POU6F2: variants seen among roughly 807,000 people sequenced by gnomAD.
POU6F2 encodes the protein POU class 6 homeobox 2.
A neutral mutation model predicts 71.3 loss-of-function variants in POU6F2; 31 were observed. The observed-to-expected ratio is 0.43, with a 90% CI of 0.33 to 0.59. The LOEUF is 0.59. Ranked by LOEUF, POU6F2 falls within the 20% of genes least tolerant of loss-of-function variation. POU6F2 has a pLI of 0.04. For synonymous variants in POU6F2, 347 were observed against 355.7 expected (o/e 0.98, Z 0.27); for missense variants, 783 against 856.8 (o/e 0.91, Z 1.07).
chr7:39,270,945 T>G (rs1784329630), intron 4 of POU6F2, among the ~76,000 whole-genome samples: 1 of 152,154 alleles, frequency 6.6e-6, no homozygotes, highest in South Asian at 2.1e-4. Context: ...GCCTTGAGGA[T>G]TCTAGGATTC....
intron 1 of POU6F2, chr7:39,013,202 C>G (rs544199902): frequency 6.5e-6 from 1 of 154,734 alleles, no homozygotes; most frequent in African/African-American, 2.4e-5. Context: ...TAGGACCCTC[C>G]GAGCCAGGTG....
chr7:39,459,991 C>T (rs1225077429), intron 8 of POU6F2, among the ~76,000 whole-genome samples: 1 of 152,108 alleles, frequency 6.6e-6, no homozygotes, highest in African/African-American at 2.4e-5. Flanking sequence ...CATAAGCATG[C>T]TCTTCTGAGG....
At chr7:39,234,757 T>C (rs1258855935) in intron 4 of POU6F2, among the ~76,000 whole-genome samples, 2 of 152,210 alleles carry the variant, frequency 1.3e-5, no homozygotes, top group Non-Finnish European at 2.9e-5. Context: ...TCTACTAATG[T>C]CAATTTTCTT....
intron 4 of POU6F2, among the ~76,000 whole-genome samples, chr7:39,263,656 T>C (rs761075388): frequency 8.2e-6 from 1 of 122,074 alleles, no homozygotes; most frequent in African/African-American, 2.9e-5. Context: ...TGTGCATGCG[T>C]GTTCACGCAC....
At chr7:39,308,253 C>T (rs1331661198) in intron 4 of POU6F2, among the ~76,000 whole-genome samples, 1 of 152,206 alleles carries the variant, frequency 6.6e-6, no homozygotes, top group African/African-American at 2.4e-5. Context: ...ATGCCCACAA[C>T]CATTCCAAGT....
intron 1 of POU6F2, among the ~76,000 whole-genome samples, chr7:38,999,812 C>T (rs1165340651): frequency 2.0e-5 from 3 of 151,980 alleles, no homozygotes; most frequent in African/African-American, 4.8e-5. Context: ...TTTGTTGGGG[C>T]GTACCATTTA....
chr7:38,985,499 G>A (rs1281714426), intron 1 of POU6F2, among the ~76,000 whole-genome samples: 3 of 152,030 alleles, frequency 2.0e-5, no homozygotes, highest in South Asian at 2.1e-4. Context: ...ATTCCGAATC[G>A]GGAAACTTAA....
At chr7:39,178,078 C>G (rs773761698) in intron 2 of POU6F2, among the ~76,000 whole-genome samples, 1 of 151,922 alleles carries the variant, frequency 6.6e-6, no homozygotes, top group East Asian at 1.9e-4. Flanking sequence ...AGACGGTGAA[C>G]CACCGTCTCT....
At chr7:39,457,727 T>A (rs1270803180) in intron 8 of POU6F2, among the ~76,000 whole-genome samples, 1 of 152,198 alleles carries the variant, frequency 6.6e-6, no homozygotes, top group African/African-American at 2.4e-5. Context: ...GTGACTCTTA[T>A]ACCTGCCAAA....
chr7:39,214,463 G>T (rs1794201870), intron 4 of POU6F2, among the ~76,000 whole-genome samples: 2 of 152,164 alleles, frequency 1.3e-5, no homozygotes, highest in African/African-American at 4.8e-5. Context: ...TGAGCATTTT[G>T]GGTGATGCCT....
chr7:39,353,684 T>G (rs1786191777), intron 5 of POU6F2, among the ~76,000 whole-genome samples: 1 of 152,170 alleles, frequency 6.6e-6, no homozygotes, highest in Non-Finnish European at 1.5e-5. Flanking sequence ...TGCTGGAGAT[T>G]ATGAATTTGC....
intron 2 of POU6F2, among the ~76,000 whole-genome samples, chr7:39,171,775 A>G (rs1213960563): frequency 1.3e-5 from 2 of 152,098 alleles, no homozygotes. Context: ...AGCACCATCC[A>G]CTCAATCTGC....
At chr7:39,003,055 T>A (rs982502221) in intron 1 of POU6F2, among the ~76,000 whole-genome samples, 5 of 152,176 alleles carry the variant, frequency 3.3e-5, no homozygotes, top group Non-Finnish European at 5.9e-5. Flanking sequence ...TTTAATGACA[T>A]GGAAAGAATC....
intron 1 of POU6F2, among the ~76,000 whole-genome samples, chr7:39,047,550 A>C (rs1306789687): frequency 2.0e-5 from 3 of 151,852 alleles, no homozygotes. Flanking sequence ...TTTTTTGTAT[A>C]TTGATCTTCT....
At chr7:39,338,059 A>G (rs1040801904) in intron 4 of POU6F2, among the ~76,000 whole-genome samples, 4 of 152,226 alleles carry the variant, frequency 2.6e-5, no homozygotes, top group Admixed American at 2.6e-4. Flanking sequence ...ATTTAAGTCA[A>G]CCATGGAAAT....
At position 39,305,920 on chromosome 7, in the gene POU6F2, A is replaced by G. The variant is rs944597226; in HGVS notation, c.599-33722A>G. On this transcript the variant is annotated intron_variant, in intron 4 of 9. Coordinates refer to ENST00000518318, the MANE Select transcript of POU6F2 (RefSeq NM_001370959.1). Reference sequence around the variant, plus strand: ...GAAAACTTCTAAGTTGGAGTAGAATAGTAAATCCTTTAACCACTCTGAAAT... The same window carrying G: ...GAAAACTTCTAAGTTGGAGTAGAATGGTAAATCCTTTAACCACTCTGAAAT... Among the ~76,000 whole-genome samples the G allele has an allele frequency of 5.9e-5, 9 of 152,368 alleles. No homozygotes were observed. The East Asian group carries it at 1.5e-3, about 26-fold the overall frequency.
At position 39,182,740 on chromosome 7, in the gene POU6F2, T is replaced by C. The variant is rs541959642; in HGVS notation, c.278-21495T>C. Among the ~76,000 whole-genome samples the C allele has an allele frequency of 1.5e-4, 23 of 152,298 alleles. No homozygotes were observed. In the South Asian group the frequency reaches 4.8e-3, roughly 32 times the overall value. ...ATTGCATCCTTAAGTCATTGTTTTCTAACCCAGTCTTCCTGAGAGCTCATC... is the reference window on the plus strand; with the variant it reads ...ATTGCATCCTTAAGTCATTGTTTTCCAACCCAGTCTTCCTGAGAGCTCATC... On this transcript the variant is annotated intron_variant, in intron 2 of 9. Transcript: ENST00000518318.
chr7:39,444,143 T>C (rs1332005608), intron 7 of POU6F2, among the ~76,000 whole-genome samples: 1 of 152,196 alleles, frequency 6.6e-6, no homozygotes. Flanking sequence ...TTTCCAATGA[T>C]GAGAGAAGAA....
At chr7:39,308,059 C>A (rs997774171) in intron 4 of POU6F2, among the ~76,000 whole-genome samples, 1 of 152,190 alleles carries the variant, frequency 6.6e-6, no homozygotes, top group African/African-American at 2.4e-5. Flanking sequence ...ACTTCCAGTG[C>A]CAGGTGCCAC....
Sources: gnomAD v4.1 joint callset for allele counts (sites outside exome capture counted in the v4.1 genomes callset) on GRCh38, gnomAD v4.1.1 for gene constraint, MANE v1.5 for transcripts, NCBI Gene and HGNC (gene_info 2026-07-23, HGNC 2026-07-21) for gene names.